USP40: variants seen among roughly 807,000 people sequenced by gnomAD.
The protein encoded by USP40 is ubiquitin carboxyl-terminal hydrolase 40.
In USP40, 143 loss-of-function variants were observed where a neutral mutation model predicts 166.2. The ratio of observed to expected loss-of-function variants is 0.86; its 90% CI spans 0.75 to 0.99. The LOEUF (loss-of-function observed/expected upper bound fraction) is 0.99, where lower values mean the gene tolerates loss of function less well. Ranked by LOEUF, USP40 falls within the 50% of genes least tolerant of loss-of-function variation. The pLI is 0.00. For missense variants in USP40, 1,444 were observed against 1,479.7 expected, an observed-to-expected ratio of 0.98 and a Z score of 0.40; for synonymous variants, 498 against 524.0, an observed-to-expected ratio of 0.95 and a Z score of 0.68.
At position 233,485,886 on chromosome 2, in the gene USP40, C is replaced by A. The variant is rs753622689; in HGVS notation, c.3289G>T (p.Gly1097Cys). 3.7e-6 allele frequency: 6 copies of A among 1,605,126 alleles called. No homozygotes were observed. The South Asian group carries it at 6.7e-5, about 18-fold the overall frequency. ...ALDLVWNAAQ[G>C]GTAGSLRQRV... The stretch of plus-strand genomic sequence containing the variant: ...TGCCTCAGGGAGCCGGCAGTCCCAC[C>A]CTGGGCCGCGTTCCACACCAGGTCC... Residue 1097 changes from glycine to cysteine, a missense_variant, in exon 29 of 32, where the codon GGT (glycine) becomes TGT (cysteine). Transcript: ENST00000678225.
Position 233,476,123 on chromosome 2 carries a change from G to A in USP40, c.*1269C>T, listed in dbSNP as rs912689583. ...TGGTAGGGGTTTGGACTGTTGGGAG[G>A]AGTATGAGGGACAAAGCAGGCCGCT... On this transcript the variant is annotated 3_prime_UTR_variant, in exon 32 of 32. Coordinates refer to ENST00000678225, the MANE Select transcript of USP40 (RefSeq NM_001365479.2). 1 of 152,438 alleles carries A rather than the reference G, an allele frequency of 6.6e-6. No homozygotes were observed. The highest frequency in any genetic ancestry group is 1.5e-5 in the Non-Finnish European group (1 of 68,098). The allele number at this position is 152,438 out of a possible 1,614,324, so 9.4% of individuals were successfully genotyped here. A position where few individuals can be genotyped will look rare whatever the true frequency, so the allele number is the denominator to read the frequency against.
In USP40 at chr2:233,565,828, G is replaced by A. The variant is rs111599536; in HGVS notation, c.-19-255C>T. Among the ~76,000 whole-genome samples the A allele has an allele frequency of 7.1e-3, 1,085 of 152,130 alleles. 14 individuals are homozygous for A. The highest frequency in any genetic ancestry group is 0.025 in the African/African-American group (1,040 of 41,472). On this transcript the variant is annotated intron_variant, in intron 1 of 31. Coordinates refer to ENST00000678225, the MANE Select transcript of USP40 (RefSeq NM_001365479.2). ...AATAGGATACCATCTGTCTCTTCGG[G>A]TCATTTAAACTATCCAATGACATAA...
chr2:233,494,934 A>T (rs1381389730), intron 24 of USP40, among the ~76,000 whole-genome samples: 23 of 43,178 alleles, frequency 5.3e-4, no homozygotes, highest in East Asian at 1.9e-3. Flanking sequence ...ATATATATAT[A>T]TATATATATA....
At chr2:233,500,756 AAT>A (rs2066024854) in intron 21 of USP40, among the ~76,000 whole-genome samples, 1 of 152,244 alleles carries the variant, frequency 6.6e-6, no homozygotes, top group Non-Finnish European at 1.5e-5. Flanking sequence ...GTTCTAGTAT[AAT>A]ACATGCAAAG....
chr2:233,538,576 G>A (rs2069112491), intron 10 of USP40, among the ~76,000 whole-genome samples: 1 of 152,160 alleles, frequency 6.6e-6, no homozygotes, highest in South Asian at 2.1e-4. Flanking sequence ...TGACACCTCA[G>A]ATAAATGAAC....
intron 11 of USP40, among the ~76,000 whole-genome samples, chr2:233,532,724 C>G (rs1362523772): frequency 6.6e-6 from 1 of 152,136 alleles, no homozygotes. Context: ...TGAGCATCAT[C>G]TGAGGCCAGG....
Position 233,565,464 on chromosome 2 carries a change from G to A in USP40, c.91C>T (p.Pro31Ser). Residue 31 changes from proline to serine, a missense_variant, in exon 2 of 32, where the codon CCA becomes TCA. Pro to Ser is a moderately conservative substitution (Grantham distance 74). Transcript: ENST00000678225. Reference protein sequence around the residue: ...GKKLKTKALEPPAPREFTNLS... With the variant: ...GKKLKTKALESPAPREFTNLS... ...TTGGTGAATTCTCTAGGAGCAGGTG[G>A]CTCCAAAGCTTTAGTCTTTAATTTC... 2 of 1,536,990 alleles carry A rather than the reference G, an allele frequency of 1.3e-6. No homozygotes were observed. Among genetic ancestry groups the A allele is most frequent in the South Asian group, 1.2e-5 (1 of 84,036 alleles).
intron 6 of USP40, among the ~76,000 whole-genome samples, chr2:233,552,480 A>G (rs1477222041): frequency 6.6e-6 from 1 of 152,206 alleles, no homozygotes; most frequent in Non-Finnish European, 1.5e-5. Flanking sequence ...AGAATTAAAG[A>G]AATGTGATAA....
chr2:233,565,219 A>C (rs2072031864), intron 2 of USP40, 137 bp downstream of exon 2: 1 of 691,604 alleles, frequency 1.4e-6, no homozygotes, highest in Non-Finnish European at 2.3e-6. Context: ...ACCAATTTAT[A>C]TCTTATATGT....
At chr2:233,530,158 T>G (rs1341544695) in intron 11 of USP40, among the ~76,000 whole-genome samples, 4 of 151,698 alleles carry the variant, frequency 2.6e-5, no homozygotes, top group African/African-American at 7.3e-5. Context: ...TTCTGGAATT[T>G]TTTTAAGTGT....
At chr2:233,550,128 G>A (rs576206673) in intron 7 of USP40, among the ~76,000 whole-genome samples, 1 of 152,144 alleles carries the variant, frequency 6.6e-6, no homozygotes, top group East Asian at 1.9e-4. Context: ...TATGGTGGCC[G>A]CTTGATGGGT....
chr2:233,558,194 C>T (rs999928852), intron 4 of USP40, among the ~76,000 whole-genome samples: 5 of 151,780 alleles, frequency 3.3e-5, no homozygotes, highest in Non-Finnish European at 5.9e-5. Flanking sequence ...TCCTACACTT[C>T]GCAAAGGTAC....
chr2:233,537,076 G>A (rs2068993808), intron 10 of USP40, among the ~76,000 whole-genome samples: 1 of 152,102 alleles, frequency 6.6e-6, no homozygotes, highest in Admixed American at 6.6e-5. Context: ...TACAGATGGG[G>A]TCTTGCTATG....
chr2:233,479,629 G>GTA (rs1491154471), intron 31 of USP40, among the ~76,000 whole-genome samples: 2 of 62,590 alleles, frequency 3.2e-5, no homozygotes, highest in Non-Finnish European at 6.3e-5. Context: ...AGAATTTTAC[G>GTA]TGTGTGTGTG....
At chr2:233,488,174 C>T (rs1303306194) in intron 28 of USP40, 65 bp downstream of exon 28, 9 of 1,410,256 alleles carry the variant, frequency 6.4e-6, no homozygotes, top group Admixed American at 2.0e-5. Context: ...GTTGTTAAAG[C>T]TTCAAAAGGC....
intron 31 of USP40, 78 bp from the exon 32 acceptor site, chr2:233,477,581 T>A (rs532019624): frequency 8.3e-7 from 1 of 1,203,872 alleles, no homozygotes; most frequent in East Asian, 2.4e-5. Context: ...GACCCCAAAA[T>A]ACACTCCAAT....
At chr2:233,511,596 T>C (rs2066840087) in intron 20 of USP40, 113 bp downstream of exon 20, 11 of 709,786 alleles carry the variant, frequency 1.5e-5, no homozygotes, top group South Asian at 2.3e-5. Flanking sequence ...AAATGTATGA[T>C]TTAAGAAAAA....
chr2:233,562,933 C>T, intron 2 of USP40, 130 bp from the exon 3 acceptor site: 3 of 580,430 alleles, frequency 5.2e-6, no homozygotes, highest in Non-Finnish European at 8.5e-6. Flanking sequence ...ATATTTATAC[C>T]TTACTCTATA....
rs374388511 is a variant in USP40 at position 233,556,854 on chromosome 2, C to T, written c.546+1G>A. ...TTACTAAAATACTCTGGCATATTTACCTGCCTCTCGCTAACGTTCTTACAT... is the reference window on the plus strand; with the variant it reads ...TTACTAAAATACTCTGGCATATTTATCTGCCTCTCGCTAACGTTCTTACAT... On this transcript the variant is annotated splice_donor_variant, in intron 5 of 31. Coordinates refer to ENST00000678225, the MANE Select transcript of USP40 (RefSeq NM_001365479.2). LOFTEE classifies it high-confidence loss of function. The T allele has an allele frequency of 3.7e-6, 6 of 1,606,818 alleles. No homozygotes were observed. Among genetic ancestry groups the T allele is most frequent in the Non-Finnish European group, 5.1e-6 (6 of 1,177,952 alleles).
Sources: allele counts gnomAD v4.1 joint callset (sites outside exome capture counted in the v4.1 genomes callset), GRCh38; gene constraint gnomAD v4.1.1; transcripts MANE v1.5; gene names NCBI Gene and HGNC (gene_info 2026-07-23, HGNC 2026-07-21).